Variants in MAP3K7 observed in about 807,000 individuals in gnomAD.
MAP3K7 encodes the protein mitogen-activated protein kinase kinase kinase 7.
In MAP3K7, 21 loss-of-function variants were observed where a neutral mutation model predicts 84.8. That is an observed-to-expected ratio of 0.25 (90% confidence interval 0.18 to 0.36). The LOEUF (loss-of-function observed/expected upper bound fraction) is 0.36, where lower values mean the gene tolerates loss of function less well. MAP3K7 is among the 10% of genes least tolerant of loss of function. MAP3K7 has a pLI of 1.00. For synonymous variants in MAP3K7, 241 were observed against 247.7 expected (o/e 0.97, Z 0.25); for missense variants, 503 against 747.7 (o/e 0.67, Z 3.82).
chr6:90,530,572 A>G (rs1176401532), intron 13 of MAP3K7, among the ~76,000 whole-genome samples: 2 of 152,186 alleles, frequency 1.3e-5, no homozygotes, highest in African/African-American at 4.8e-5. Context: ...TTTTAATGCA[A>G]GTTTCAAAAC....
At chr6:90,551,887 G>GTTTC (rs2127974334) in intron 8 of MAP3K7, 162 bp downstream of exon 8, 1 of 695,630 alleles carries the variant, frequency 1.4e-6, no homozygotes, top group Non-Finnish European at 2.1e-6. Context: ...CTCTCGAAAT[G>GTTTC]TTTCCTCTTC....
chr6:90,556,425 G>A, intron 6 of MAP3K7, 75 bp downstream of exon 6: 1 of 1,495,142 alleles, frequency 6.7e-7, no homozygotes, highest in South Asian at 1.3e-5. Context: ...TGGAAATGGG[G>A]AAAATCTATA....
At chr6:90,570,299 G>C (rs1158064984) in intron 2 of MAP3K7, among the ~76,000 whole-genome samples, 1 of 152,116 alleles carries the variant, frequency 6.6e-6, no homozygotes, top group Non-Finnish European at 1.5e-5. Flanking sequence ...TCATAAACTG[G>C]CAATGAGAAA....
chr6:90,559,014 TGG>T (rs1776423140), intron 5 of MAP3K7, among the ~76,000 whole-genome samples: 1 of 152,126 alleles, frequency 6.6e-6, no homozygotes, highest in Non-Finnish European at 1.5e-5. Context: ...GTTAATATAG[TGG>T]AAAAAGGATG....
chr6:90,553,361 T>A lies in MAP3K7; in HGVS notation c.736+97A>T, dbSNP rs536498611. ...TAACAAAGAATTGTACATTTTAATGTTAGAGATAAATGATATTCTTTAGGG... is the reference window on the plus strand; with the variant it reads ...TAACAAAGAATTGTACATTTTAATGATAGAGATAAATGATATTCTTTAGGG... On this transcript the variant is annotated intron_variant, in intron 7 of 16. Transcript: ENST00000369329. 2.1e-5 allele frequency: 25 copies of A among 1,178,836 alleles called. No homozygotes were observed. The South Asian group carries it at 3.2e-4, about 15-fold the overall frequency. The allele number at this position is 1,178,836 out of a possible 1,614,324, so 73.0% of individuals were successfully genotyped here. A position where few individuals can be genotyped will look rare whatever the true frequency, so the allele number is the denominator to read the frequency against.
chr6:90,543,817 TTTAAG>T (rs1775923653), intron 12 of MAP3K7, among the ~76,000 whole-genome samples: 1 of 152,102 alleles, frequency 6.6e-6, no homozygotes, highest in South Asian at 2.1e-4. Flanking sequence ...CAATATGCCA[TTTAAG>T]TTTCTATTAA....
At chr6:90,544,797 G>T (rs2127970160) in intron 11 of MAP3K7, among the ~76,000 whole-genome samples, 165 bp from the exon 12 acceptor site, 1 of 152,014 alleles carries the variant, frequency 6.6e-6, no homozygotes, top group East Asian at 1.9e-4. Flanking sequence ...CTCAGAAAAG[G>T]CGAGATTAAA....
At chr6:90,539,794 T>C (rs1004425156) in intron 12 of MAP3K7, among the ~76,000 whole-genome samples, 1 of 151,768 alleles carries the variant, frequency 6.6e-6, no homozygotes, top group Non-Finnish European at 1.5e-5. Context: ...TGCCAATACC[T>C]GACATTTGAA....
At chr6:90,532,215 T>C (rs76549324) in intron 13 of MAP3K7, among the ~76,000 whole-genome samples, 10,770 of 152,256 alleles carry the variant, frequency 0.071, 378 homozygotes, top group South Asian at 0.092. Flanking sequence ...CCATGATCCT[T>C]GACACAAGGT....
At chr6:90,584,332 T>G (rs1166730334) in intron 1 of MAP3K7, among the ~76,000 whole-genome samples, 1 of 152,200 alleles carries the variant, frequency 6.6e-6, no homozygotes, top group Non-Finnish European at 1.5e-5. Context: ...AATTATGTAA[T>G]GCTTTCAATA....
chr6:90,563,982 A>C (rs1776611627), intron 3 of MAP3K7, among the ~76,000 whole-genome samples: 1 of 152,194 alleles, frequency 6.6e-6, no homozygotes. Flanking sequence ...TTCATAGGTG[A>C]GGGAGAAATA....
intron 10 of MAP3K7, among the ~76,000 whole-genome samples, chr6:90,547,660 C>T (rs1776046911): frequency 6.6e-6 from 1 of 152,164 alleles, no homozygotes; most frequent in Non-Finnish European, 1.5e-5. Flanking sequence ...AAACTCACTC[C>T]TTGAAATATT....
chr6:90,526,591 A>ATG lies in MAP3K7; in HGVS notation c.1357-2810_1357-2809dup, dbSNP rs142572376. 5.5e-3 allele frequency among the ~76,000 whole-genome samples: 830 copies of ATG among 152,174 alleles called. 11 individuals are homozygous for ATG. The highest frequency in any genetic ancestry group is 0.019 in the African/African-American group (786 of 41,564). The stretch of plus-strand genomic sequence containing the variant: ...AAAATATTTAATTCTAAATATATAT[A>ATG]TGAAAAAACCAGAAACACTGACAAT... On this transcript the variant is annotated intron_variant, in intron 13 of 16. Transcript: ENST00000369329.
chr6:90,560,001 G>T (rs773834416), intron 5 of MAP3K7, 75 bp downstream of exon 5: 1 of 1,541,430 alleles, frequency 6.5e-7, no homozygotes. Context: ...GCTTGAATTA[G>T]AGAGTGGGTT....
intron 3 of MAP3K7, among the ~76,000 whole-genome samples, chr6:90,564,588 C>A (rs966815322): frequency 6.6e-6 from 1 of 152,116 alleles, no homozygotes; most frequent in Non-Finnish European, 1.5e-5. Flanking sequence ...TAGAGACCTA[C>A]AAAGAGACTT....
intron 3 of MAP3K7, among the ~76,000 whole-genome samples, chr6:90,562,162 G>A (rs1025195612): frequency 3.3e-5 from 5 of 152,330 alleles, no homozygotes; most frequent in South Asian, 4.1e-4. Context: ...CAGCGTAAGC[G>A]ACGCAGAAGA....
intron 12 of MAP3K7, among the ~76,000 whole-genome samples, chr6:90,541,568 T>C (rs372638785): frequency 1.3e-5 from 2 of 152,010 alleles, no homozygotes; most frequent in South Asian, 2.1e-4. Flanking sequence ...GTACAAAAGT[T>C]TGTCAGTTCT....
rs149023186 is a variant in MAP3K7 at position 90,564,721 on chromosome 6, T to C, written c.298-3054A>G. ...AACTCAGCTCTGCACCAAGTGGACC[T>C]AATAGACATCTATAGAACTCTCCAT... On this transcript the variant is annotated intron_variant, in intron 3 of 16. Transcript: ENST00000369329. Among the ~76,000 whole-genome samples, 168 of 152,342 alleles carry C rather than the reference T, an allele frequency of 1.1e-3. 1 individual carries two copies. The highest frequency in any genetic ancestry group is 3.7e-3 in the African/African-American group (153 of 41,580).
intron 1 of MAP3K7, among the ~76,000 whole-genome samples, chr6:90,585,104 T>C (rs1488894448): frequency 2.0e-5 from 3 of 152,184 alleles, no homozygotes; most frequent in Admixed American, 2.0e-4. Context: ...CTAAGATCTG[T>C]TATGCAGATA....
Sources: gnomAD v4.1 joint callset for allele counts (sites outside exome capture counted in the v4.1 genomes callset) on GRCh38, gnomAD v4.1.1 for gene constraint, MANE v1.5 for transcripts, NCBI Gene and HGNC (gene_info 2026-07-23, HGNC 2026-07-21) for gene names.